The following KRTAP2-3 variants were observed in gnomAD, a reference collection of about 807,000 sequenced individuals.
KRTAP2-3 encodes keratin associated protein 2-3, also known as keratin-associated protein 2-3.
Under a neutral mutation model 11.2 loss-of-function variants are expected in KRTAP2-3, and 9 were observed. The observed-to-expected ratio is 0.80, with a 90% confidence interval of 0.48 to 1.40. The LOEUF is 1.40. Among genes scored for constraint, KRTAP2-3 ranks in the 40% most tolerant of loss-of-function variants. The probability of loss-of-function intolerance (pLI) is 0.00; values close to 1 mark genes in which losing one functional copy is unlikely to be tolerated. For synonymous variants in KRTAP2-3, 45 were observed against 76.2 expected, an observed-to-expected ratio of 0.59 and a Z score of 2.13; for missense variants, 93 against 176.8, an observed-to-expected ratio of 0.53 and a Z score of 2.69.
chr17:41,059,319 A>G lies in KRTAP2-3; in HGVS notation c.*345T>C. On this transcript the variant is annotated 3_prime_UTR_variant, in exon 1 of 1. Transcript: ENST00000391418. ...TACAAATAGTATTATCCTGGAAGAA[A>G]AAAATCTCATCTGAGAACCTTGAAA... The G allele has an allele frequency of 2.8e-6, 1 of 351,998 alleles. No individual in the cohort carries two copies. Among genetic ancestry groups the G allele is most frequent in the Non-Finnish European group, 5.1e-6 (1 of 197,712 alleles). The allele number at this position is 351,998 out of a possible 1,614,324, so 21.8% of individuals were successfully genotyped here. A position where few individuals can be genotyped will look rare whatever the true frequency, so the allele number is the denominator to read the frequency against.
chr17:41,059,904 G>A lies in KRTAP2-3; in HGVS notation c.147C>T (p.Arg49=). 10 of 1,505,918 alleles carry A rather than the reference G, an allele frequency of 6.6e-6. No individual in the cohort carries two copies. The highest frequency in any genetic ancestry group is 5.0e-5 in the South Asian group (4 of 79,246). The allele number at this position is 1,505,918 out of a possible 1,614,324, so 93.3% of individuals were successfully genotyped here. The change falls in exon 1 of 1, where the codon CGC becomes CGT. Residue 49 remains arginine (R), a synonymous_variant. Coordinates refer to ENST00000391418, the MANE Select transcript of KRTAP2-3 (RefSeq NM_001165252.2). Reference sequence around the variant, plus strand: ...AGGGCTCGCAGATGGGGCGCGTGCAGCGGGGCACGCAGGTCACGGGGCGGC... The same window carrying A: ...AGGGCTCGCAGATGGGGCGCGTGCAACGGGGCACGCAGGTCACGGGGCGGC... The part of the protein sequence containing the change: ...TVCRPVTCVP[R]CTRPICEPCR...
At position 41,059,339 on chromosome 17, in the gene KRTAP2-3, T is replaced by G. The variant is rs1309225811; in HGVS notation, c.*325A>C. 2 of 410,764 alleles carry G rather than the reference T, an allele frequency of 4.9e-6. No homozygotes were observed. Among genetic ancestry groups the G allele is most frequent in the African/African-American group, 2.1e-5 (1 of 48,260 alleles). The allele number at this position is 410,764 out of a possible 1,614,324, so 25.4% of individuals were successfully genotyped here. On this transcript the variant is annotated 3_prime_UTR_variant, in exon 1 of 1. Transcript: ENST00000391418. ...AAGAAAAAAATCTCATCTGAGAACC[T>G]TGAAACAGTAGAAAAAAGGGTGATG... is the stretch of plus-strand genomic sequence containing the variant.
rs746016316 is a variant in KRTAP2-3 at position 41,059,696 on chromosome 17, A to C, written c.355T>G (p.Cys119Gly). The change falls in exon 1 of 1, where the codon TGC becomes GGC. Residue 119 changes from cysteine (C) to glycine (G), a missense_variant. Coordinates refer to ENST00000391418, the MANE Select transcript of KRTAP2-3 (RefSeq NM_001165252.2). The part of the protein sequence containing the change: ...CRPPCGQPTP[C>G]STTCRTSSC The stretch of plus-strand genomic sequence containing the variant: ...GAGGAGGTCCTGCAGGTGGTGCTGC[A>C]AGGGGTCGGCTGGCCGCAGGGAGGC... 9.0e-6 allele frequency: 14 copies of C among 1,558,130 alleles called. No homozygotes were observed. The South Asian group carries it at 1.4e-4, about 16-fold the overall frequency.
At position 41,060,059 on chromosome 17, in the gene KRTAP2-3, C is replaced by T; in HGVS notation, c.-9G>A. ...CAGCAGGAGCCGGTCATGGTGGTGT[C>T]TGAGGCTGGTGTGGGTTGGGCTGTT... is the stretch of plus-strand genomic sequence containing the variant. On this transcript the variant is annotated 5_prime_UTR_variant, in exon 1 of 1. Coordinates refer to ENST00000391418, the MANE Select transcript of KRTAP2-3 (RefSeq NM_001165252.2). 1 of 1,496,778 alleles carries T rather than the reference C, an allele frequency of 6.7e-7. No homozygotes were observed. Among genetic ancestry groups the T allele is most frequent in the African/African-American group, 1.6e-5 (1 of 63,778 alleles). 92.7% of individuals were successfully genotyped at this position (1,496,778 alleles called of 1,614,324 possible).
chr17:41,059,929 C>T lies in KRTAP2-3; in HGVS notation c.122G>A (p.Cys41Tyr). 1 of 1,513,038 alleles carries T rather than the reference C, an allele frequency of 6.6e-7. No homozygotes were observed. The highest frequency in any genetic ancestry group is 8.8e-7 in the Non-Finnish European group (1 of 1,135,478). 93.7% of individuals were successfully genotyped at this position (1,513,038 alleles called of 1,614,324 possible). Residue 41 changes from cysteine (C) to tyrosine (Y), a missense_variant, in exon 1 of 1, where the codon TGC becomes TAC. By Grantham distance (194) the Cys-to-Tyr change is radical. Transcript: ENST00000391418. Reference sequence around the variant, plus strand: ...GCGGGGCACGCAGGTCACGGGGCGGCACACGGTGGTCTGGCAGGTCACGGG... The same window carrying T: ...GCGGGGCACGCAGGTCACGGGGCGGTACACGGTGGTCTGGCAGGTCACGGG... ...CRPVTCQTTV[C>Y]RPVTCVPRCT...
chr17:41,059,734 G>T lies in KRTAP2-3; in HGVS notation c.317C>A (p.Ser106Tyr). ...GCCGCAGGGAGGCCGGCAGCAGGGG[G>T]ACTGCACAGACACAGGCTGGCAGCA... ...TTCCQPVSVQ[S>Y]PCCRPPCGQP... The change falls in exon 1 of 1, where the codon TCC becomes TAC. Residue 106 changes from serine (S) to tyrosine (Y), a missense_variant. Ser to Tyr is a moderately radical substitution (Grantham distance 144, BLOSUM62 -2). Transcript: ENST00000391418. The T allele has an allele frequency of 6.4e-7, 1 of 1,553,874 alleles. No homozygotes were observed. The highest frequency in any genetic ancestry group is 8.7e-7 in the Non-Finnish European group (1 of 1,149,052).
chr17:41,059,634 G>A lies in KRTAP2-3; in HGVS notation c.*30C>T. Reference sequence around the variant, plus strand: ...CACAAGCTTCTGTGCACCTGGGAATGTTTCGTGCGTTGAGAGGAGAGGTGG... The same window carrying A: ...CACAAGCTTCTGTGCACCTGGGAATATTTCGTGCGTTGAGAGGAGAGGTGG... On this transcript the variant is annotated 3_prime_UTR_variant, in exon 1 of 1. Coordinates refer to ENST00000391418, the MANE Select transcript of KRTAP2-3 (RefSeq NM_001165252.2). 1 of 1,548,864 alleles carries A rather than the reference G, an allele frequency of 6.5e-7. No homozygotes were observed. The highest frequency in any genetic ancestry group is 1.2e-5 in the South Asian group (1 of 83,772).
rs1307022730 is a variant in KRTAP2-3, at chr17:41,060,064, G to A, written c.-14C>T. On this transcript the variant is annotated 5_prime_UTR_variant, in exon 1 of 1. Transcript: ENST00000391418. Reference sequence around the variant, plus strand: ...GGAGCCGGTCATGGTGGTGTCTGAGGCTGGTGTGGGTTGGGCTGTTGAGAG... The same window carrying A: ...GGAGCCGGTCATGGTGGTGTCTGAGACTGGTGTGGGTTGGGCTGTTGAGAG... 2 of 1,498,636 alleles carry A rather than the reference G, an allele frequency of 1.3e-6. No homozygotes were observed. The highest frequency in any genetic ancestry group is 4.5e-5 in the Admixed American group (2 of 44,656). The allele number at this position is 1,498,636 out of a possible 1,614,324, so 92.8% of individuals were successfully genotyped here.
At position 41,059,785 on chromosome 17, in the gene KRTAP2-3, C is replaced by T. The variant is rs957993606; in HGVS notation, c.266G>A (p.Cys89Tyr). Reference sequence around the variant, plus strand: ...GGTGGTGGCCCAGCAGCAGGGCCTGCACACCACAGCCGTGCACGACGAGGG... The same window carrying T: ...GGTGGTGGCCCAGCAGCAGGGCCTGTACACCACAGCCGTGCACGACGAGGG... ...CCPSSCTAVVCRPCCWATTCC... is the reference protein window; with the variant it reads ...CCPSSCTAVVYRPCCWATTCC... Residue 89 changes from cysteine to tyrosine, a missense_variant, in exon 1 of 1, where the codon TGC (cysteine) becomes TAC (tyrosine). By Grantham distance (194) the Cys-to-Tyr change is radical. Coordinates refer to ENST00000391418, the MANE Select transcript of KRTAP2-3 (RefSeq NM_001165252.2). 25 of 1,545,122 alleles carry T rather than the reference C, an allele frequency of 1.6e-5. 1 individual carries two copies. The highest frequency in any genetic ancestry group is 2.2e-5 in the Non-Finnish European group (25 of 1,146,228).
rs1319846092 is a variant in KRTAP2-3 at position 41,059,947 on chromosome 17, G to A, written c.104C>T (p.Thr35Ile). ...CRDPCCCRPV[T>I]CQTTVCRPVT... ...GGGGCGGCACACGGTGGTCTGGCAG[G>A]TCACGGGGCGGCAGCAGCAGGGGTC... Residue 35 changes from threonine to isoleucine, a missense_variant, in exon 1 of 1, where the codon ACC (threonine) becomes ATC (isoleucine). Physicochemically the swap from Thr to Ile is moderately conservative, Grantham distance 89 (BLOSUM62 -1). Coordinates refer to ENST00000391418, the MANE Select transcript of KRTAP2-3 (RefSeq NM_001165252.2). The A allele has an allele frequency of 6.6e-7, 1 of 1,520,164 alleles. No homozygotes were observed. Among genetic ancestry groups the A allele is most frequent in the Non-Finnish European group, 8.8e-7 (1 of 1,139,218 alleles). 94.2% of individuals were successfully genotyped at this position (1,520,164 alleles called of 1,614,324 possible).
rs765944772 is a variant in KRTAP2-3, at chr17:41,059,730, G to A, written c.321C>T (p.Pro107=). ...GCTGGCCGCAGGGAGGCCGGCAGCAGGGGGACTGCACAGACACAGGCTGGC... is the reference window on the plus strand; with the variant it reads ...GCTGGCCGCAGGGAGGCCGGCAGCAAGGGGACTGCACAGACACAGGCTGGC... ...TCCQPVSVQS[P]CCRPPCGQPT... Residue 107 remains proline (P), a synonymous_variant, in exon 1 of 1, where the codon CCC becomes CCT. Transcript: ENST00000391418. 5 of 1,554,982 alleles carry A rather than the reference G, an allele frequency of 3.2e-6. No homozygotes were observed. Among genetic ancestry groups the A allele is most frequent in the Non-Finnish European group, 4.3e-6 (5 of 1,149,594 alleles).
rs1272587562 is a variant in KRTAP2-3 at position 41,059,869 on chromosome 17, G to C, written c.182C>G (p.Pro61Arg). 1 of 1,517,772 alleles carries C rather than the reference G, an allele frequency of 6.6e-7. No homozygotes were observed. The highest frequency in any genetic ancestry group is 1.4e-5 in the African/African-American group (1 of 72,538). 94.0% of individuals were successfully genotyped at this position (1,517,772 alleles called of 1,614,324 possible). Residue 61 changes from proline (P) to arginine (R), a missense_variant, in exon 1 of 1, where the codon CCG becomes CGG. Physicochemically the swap from Pro to Arg is moderately radical, Grantham distance 103. Transcript: ENST00000391418. Reference protein sequence around the residue: ...TRPICEPCRRPVCCDPCSLQE... With the variant: ...TRPICEPCRRRVCCDPCSLQE... ...CAGGGAGCAGGGGTCGCAGCACACC[G>C]GGCGGCGGCAGGGCTCGCAGATGGG...
Position 41,059,534 on chromosome 17 carries a change from G to C in KRTAP2-3, c.*130C>G, listed in dbSNP as rs1215240232. 1 of 1,390,748 alleles carries C rather than the reference G, an allele frequency of 7.2e-7. No homozygotes were observed. Among genetic ancestry groups the C allele is most frequent in the Non-Finnish European group, 9.6e-7 (1 of 1,041,968 alleles). 86.2% of individuals were successfully genotyped at this position (1,390,748 alleles called of 1,614,324 possible). ...GGGAAATAGATAGGATGTTATTGTT[G>C]AATTCGTGCTTGAGGATCAGCTAGG... is the stretch of plus-strand genomic sequence containing the variant. On this transcript the variant is annotated 3_prime_UTR_variant, in exon 1 of 1. Coordinates refer to ENST00000391418, the MANE Select transcript of KRTAP2-3 (RefSeq NM_001165252.2).
chr17:41,060,093 C>T lies in KRTAP2-3; in HGVS notation c.-43G>A. ...GTGTGGGTTGGGCTGTTGAGAGGAG[C>T]TGGATGTTCTCAGGTGTGAATGTCC... On this transcript the variant is annotated 5_prime_UTR_variant, in exon 1 of 1. Transcript: ENST00000391418. 18 of 1,544,548 alleles carry T rather than the reference C, an allele frequency of 1.2e-5. No homozygotes were observed. The highest frequency in any genetic ancestry group is 1.5e-5 in the Non-Finnish European group (17 of 1,144,890).
Position 41,060,094 on chromosome 17 carries a change from T to G in KRTAP2-3, c.-44A>C. On this transcript the variant is annotated 5_prime_UTR_variant, in exon 1 of 1. Coordinates refer to ENST00000391418, the MANE Select transcript of KRTAP2-3 (RefSeq NM_001165252.2). The stretch of plus-strand genomic sequence containing the variant: ...TGTGGGTTGGGCTGTTGAGAGGAGC[T>G]GGATGTTCTCAGGTGTGAATGTCCT... The G allele has an allele frequency of 6.5e-7, 1 of 1,544,772 alleles. No individual in the cohort carries two copies. The highest frequency in any genetic ancestry group is 2.4e-5 in the East Asian group (1 of 40,858).
In KRTAP2-3 at chr17:41,059,771, A is replaced by G; in HGVS notation, c.280T>C (p.Trp94Arg). The G allele has an allele frequency of 6.5e-7, 1 of 1,547,512 alleles. No homozygotes were observed. Among genetic ancestry groups the G allele is most frequent in the South Asian group, 1.2e-5 (1 of 83,920 alleles). Residue 94 changes from tryptophan (W) to arginine (R), a missense_variant, in exon 1 of 1, where the codon TGG becomes CGG. Coordinates refer to ENST00000391418, the MANE Select transcript of KRTAP2-3 (RefSeq NM_001165252.2). The stretch of plus-strand genomic sequence containing the variant: ...ACAGGCTGGCAGCAGGTGGTGGCCC[A>G]GCAGCAGGGCCTGCACACCACAGCC... ...CTAVVCRPCC[W>R]ATTCCQPVSV...
At position 41,059,264 on chromosome 17, in the gene KRTAP2-3, TA is replaced by T. The variant is rs901223074; in HGVS notation, c.*399del. Reference sequence around the variant, plus strand: ...GTTTGCTTCCCCAGAAATATAATTTTATTTTTTTTTACAGTGCAAAAATACA... The same window carrying T: ...GTTTGCTTCCCCAGAAATATAATTTTTTTTTTTTTACAGTGCAAAAATACA... On this transcript the variant is annotated 3_prime_UTR_variant, in exon 1 of 1. Coordinates refer to ENST00000391418, the MANE Select transcript of KRTAP2-3 (RefSeq NM_001165252.2). The T allele has an allele frequency of 4.5e-5, 9 of 197,938 alleles. No individual in the cohort carries two copies. Among genetic ancestry groups the T allele is most frequent in the Admixed American group, 1.2e-4 (2 of 17,142 alleles). 12.3% of individuals were successfully genotyped at this position (197,938 alleles called of 1,614,324 possible).
rs577600144 is a variant in KRTAP2-3, at chr17:41,059,556, T to A, written c.*108A>T. ...GTTGAATTCGTGCTTGAGGATCAGCTAGGCTGCAAAGGTGGAGTCTCTCAT... is the reference window on the plus strand; with the variant it reads ...GTTGAATTCGTGCTTGAGGATCAGCAAGGCTGCAAAGGTGGAGTCTCTCAT... On this transcript the variant is annotated 3_prime_UTR_variant, in exon 1 of 1. Coordinates refer to ENST00000391418, the MANE Select transcript of KRTAP2-3 (RefSeq NM_001165252.2). 13 of 1,460,534 alleles carry A rather than the reference T, an allele frequency of 8.9e-6. 1 individual carries two copies. In the African/African-American group the frequency reaches 9.9e-5, roughly 11 times the overall value. The allele number at this position is 1,460,534 out of a possible 1,614,324, so 90.5% of individuals were successfully genotyped here. A position where few individuals can be genotyped will look rare whatever the true frequency, so the allele number is the denominator to read the frequency against.
In KRTAP2-3 at chr17:41,059,601, A is replaced by G. The variant is rs2013142127; in HGVS notation, c.*63T>C. Reference sequence around the variant, plus strand: ...TCTCATCTGATCCAGAAGGGGTAGAAGAGTCTGCACAAGCTTCTGTGCACC... The same window carrying G: ...TCTCATCTGATCCAGAAGGGGTAGAGGAGTCTGCACAAGCTTCTGTGCACC... On this transcript the variant is annotated 3_prime_UTR_variant, in exon 1 of 1. Transcript: ENST00000391418. 1 of 1,533,140 alleles carries G rather than the reference A, an allele frequency of 6.5e-7. No homozygotes were observed. 95.0% of individuals were successfully genotyped at this position (1,533,140 alleles called of 1,614,324 possible).
Sources: gnomAD v4.1 joint callset for allele counts on GRCh38, gnomAD v4.1.1 for gene constraint, MANE v1.5 for transcripts, NCBI Gene and HGNC (gene_info 2026-07-23, HGNC 2026-07-21) for gene names.